Variants in TSPAN18 observed in about 807,000 individuals in gnomAD.
TSPAN18 encodes the protein tetraspanin-18.
In TSPAN18, 14 loss-of-function variants were observed where a neutral mutation model predicts 27.3. That is an observed-to-expected ratio of 0.51 (90% confidence interval 0.34 to 0.80). The LOEUF is 0.80. Ranked by LOEUF, TSPAN18 falls within the 30% of genes least tolerant of loss-of-function variation. The probability of loss-of-function intolerance (pLI) is 0.01; values close to 1 mark genes in which losing one functional copy is unlikely to be tolerated. For missense variants in TSPAN18, 268 were observed against 323.9 expected, an observed-to-expected ratio of 0.83 and a Z score of 1.32; for synonymous variants, 143 against 136.5, an observed-to-expected ratio of 1.05 and a Z score of -0.33.
At chr11:44,790,484 T>G (rs544669969) in intron 2 of TSPAN18, among the ~76,000 whole-genome samples, 2 of 149,632 alleles carry the variant, frequency 1.3e-5, no homozygotes, top group South Asian at 4.3e-4. Context: ...TGTGTGTGCA[T>G]GAGTGTGTAT....
At chr11:44,813,650 G>A (rs550736901) in intron 2 of TSPAN18, among the ~76,000 whole-genome samples, 45 of 152,332 alleles carry the variant, frequency 3.0e-4, no homozygotes, top group African/African-American at 1.0e-3. Flanking sequence ...CTCTCTGAAT[G>A]AGGTTAGAAA....
chr11:44,897,222 G>T (rs935864131), intron 3 of TSPAN18, among the ~76,000 whole-genome samples: 1 of 152,162 alleles, frequency 6.6e-6, no homozygotes, highest in African/African-American at 2.4e-5. Context: ...CATTTCCACT[G>T]CTGGGAGCTG....
chr11:44,786,694 C>T (rs1856066979), intron 2 of TSPAN18, among the ~76,000 whole-genome samples: 3 of 143,674 alleles, frequency 2.1e-5, no homozygotes, highest in African/African-American at 2.6e-5. Context: ...TGCAGAGGTG[C>T]GATCTCGGCT....
intron 3 of TSPAN18, chr11:44,903,352 A>C (rs1370751149): frequency 1.1e-5 from 5 of 451,976 alleles, no homozygotes; most frequent in Admixed American, 9.5e-5. Context: ...CGTCAGGGAC[A>C]TACCTCTGGG....
chr11:44,876,091 C>G (rs534889189), intron 3 of TSPAN18, among the ~76,000 whole-genome samples: 2 of 152,096 alleles, frequency 1.3e-5, no homozygotes, highest in Non-Finnish European at 2.9e-5. Flanking sequence ...CCTGGAGCTC[C>G]GGAGAGGAAG....
rs894894695 is a variant in TSPAN18, at chr11:44,926,768, G to T, written c.699+11G>T. ...GTACTGGCCATCGAGGTAAGTAAAG[G>T]CCCCCACTTCTGCCGCTCCCCAGGA... On this transcript the variant is annotated intron_variant, in intron 9 of 9. Transcript: ENST00000520358. 6.2e-7 allele frequency: 1 copy of T among 1,613,772 alleles called. No homozygotes were observed. The highest frequency in any genetic ancestry group is 1.3e-5 in the African/African-American group (1 of 74,904).
rs1228559161 is a variant in TSPAN18 at position 44,876,972 on chromosome 11, C to T, written c.-11+16503C>T. 4.6e-5 allele frequency among the ~76,000 whole-genome samples: 7 copies of T among 152,326 alleles called. No homozygotes were observed. The South Asian group carries it at 1.2e-3, about 27-fold the overall frequency. ...GAAGAGCCCACCAGGAGCATTGGTG[C>T]CTCCTCCCCCAGGCCCCTGCAGAGC... On this transcript the variant is annotated intron_variant, in intron 3 of 9. Transcript: ENST00000520358.
chr11:44,923,296 G>A (rs1490826082), intron 8 of TSPAN18, among the ~76,000 whole-genome samples: 2 of 152,226 alleles, frequency 1.3e-5, no homozygotes, highest in African/African-American at 4.8e-5. Flanking sequence ...GGTGGTGACT[G>A]TGGGTGGCAG....
intron 2 of TSPAN18, among the ~76,000 whole-genome samples, chr11:44,778,080 T>A (rs922855318): frequency 8.5e-5 from 13 of 152,160 alleles, no homozygotes; most frequent in Non-Finnish European, 1.9e-4. Flanking sequence ...GCAGTTAGTC[T>A]TCTGGTGTGG....
intron 2 of TSPAN18, among the ~76,000 whole-genome samples, chr11:44,822,710 G>C (rs913903406): frequency 1.3e-5 from 2 of 152,082 alleles, no homozygotes; most frequent in Non-Finnish European, 2.9e-5. Flanking sequence ...CCCTTCAGCT[G>C]TCCTTCCCCA....
chr11:44,897,803 C>T (rs1251266554), intron 3 of TSPAN18: 1 of 1,289,294 alleles, frequency 7.8e-7, no homozygotes, highest in Non-Finnish European at 1.0e-6. Context: ...AGAGTCTGTC[C>T]TGCTGATGCC....
intron 2 of TSPAN18, among the ~76,000 whole-genome samples, chr11:44,820,532 T>C (rs1257367304): frequency 6.6e-6 from 1 of 152,244 alleles, no homozygotes; most frequent in African/African-American, 2.4e-5. Flanking sequence ...TGAATCCTGT[T>C]TTGGCCACTT....
In TSPAN18 at chr11:44,916,598, C is replaced by T. The variant is rs534560476; in HGVS notation, c.259-1374C>T. On this transcript the variant is annotated intron_variant, in intron 5 of 9. Transcript: ENST00000520358. ...GGTCTCCACATCCCCATTTTTCTGGCAAGAAAACTGAGGCTGGAAGGGGTT... is the reference window on the plus strand; with the variant it reads ...GGTCTCCACATCCCCATTTTTCTGGTAAGAAAACTGAGGCTGGAAGGGGTT... 4.7e-4 allele frequency among the ~76,000 whole-genome samples: 71 copies of T among 152,222 alleles called. 1 individual carries two copies. The highest frequency in any genetic ancestry group is 1.6e-3 in the African/African-American group (67 of 41,534).
chr11:44,854,605 A>G (rs942006106), intron 2 of TSPAN18, among the ~76,000 whole-genome samples: 4 of 152,180 alleles, frequency 2.6e-5, no homozygotes, highest in Non-Finnish European at 5.9e-5. Context: ...TACTTATTGT[A>G]GGAACCACTT....
chr11:44,764,132 G>A (rs1268704710), intron 1 of TSPAN18, among the ~76,000 whole-genome samples: 3 of 152,066 alleles, frequency 2.0e-5, no homozygotes, highest in African/African-American at 4.8e-5. Flanking sequence ...AGCACTGAGG[G>A]GACAGTGCTA....
intron 2 of TSPAN18, among the ~76,000 whole-genome samples, chr11:44,845,062 G>A (rs79750852): frequency 0.013 from 1,973 of 152,306 alleles, 22 homozygotes; most frequent in African/African-American, 0.023. Context: ...CCTGATGACT[G>A]TCTTATTCCA....
chr11:44,887,842 TTTCCCTCCTAG>T (rs1858709370), intron 3 of TSPAN18, among the ~76,000 whole-genome samples: 1 of 152,188 alleles, frequency 6.6e-6, no homozygotes, highest in Non-Finnish European at 1.5e-5. Context: ...AACTGTGCCC[TTTCCCTCCTAG>T]TTCCCAGGCC....
chr11:44,813,872 G>A (rs1023328088), intron 2 of TSPAN18, among the ~76,000 whole-genome samples: 2 of 152,188 alleles, frequency 1.3e-5, no homozygotes, highest in Admixed American at 6.5e-5. Context: ...ATCCAACCAC[G>A]CCCAGACCTG....
intron 2 of TSPAN18, among the ~76,000 whole-genome samples, chr11:44,790,257 A>G (rs835862): frequency 0.82 from 121,213 of 148,426 alleles, 52,169 homozygotes; most frequent in Non-Finnish European, 0.97. Context: ...GTGCGTGCAT[A>G]TGTTTATGTG....
Sources: gnomAD v4.1 joint callset for allele counts (sites outside exome capture counted in the v4.1 genomes callset) on GRCh38, gnomAD v4.1.1 for gene constraint, MANE v1.5 for transcripts, NCBI Gene and HGNC (gene_info 2026-07-23, HGNC 2026-07-21) for gene names.